The following PHF21B variants were observed in gnomAD, a reference collection of about 807,000 sequenced individuals.
PHF21B encodes PHD finger protein 21B, also known as PHD finger protein 4.
A neutral mutation model predicts 62.2 loss-of-function variants in PHF21B; 22 were observed. The observed-to-expected ratio is 0.35, with a 90% CI of 0.25 to 0.51. The LOEUF (loss-of-function observed/expected upper bound fraction) is 0.51. Among genes scored for constraint, PHF21B ranks in the 20% least tolerant of loss-of-function variants. The pLI is 0.97. For synonymous variants in PHF21B, 341 were observed against 314.7 expected, an observed-to-expected ratio of 1.08 and a Z score of -0.88; for missense variants, 701 against 707.9, an observed-to-expected ratio of 0.99 and a Z score of 0.11.
intron 4 of PHF21B, among the ~76,000 whole-genome samples, chr22:44,914,454 G>A (rs905108931): frequency 3.9e-5 from 6 of 152,218 alleles, no homozygotes; most frequent in African/African-American, 9.6e-5. Context: ...GGGAGGCCGT[G>A]CACACTCAGG....
At chr22:44,935,097 G>A (rs552544371) in intron 2 of PHF21B, among the ~76,000 whole-genome samples, 2 of 152,280 alleles carry the variant, frequency 1.3e-5, no homozygotes, top group South Asian at 4.1e-4. Context: ...AAAGGATCAC[G>A]GCAATCGGTC....
chr22:44,892,492 A>G (rs562706228), intron 7 of PHF21B, among the ~76,000 whole-genome samples: 2 of 152,338 alleles, frequency 1.3e-5, no homozygotes, highest in South Asian at 4.1e-4. Flanking sequence ...GATTCTGGGC[A>G]GTGGCCCAGA....
chr22:44,887,211 G>A (rs1473229195), intron 10 of PHF21B, among the ~76,000 whole-genome samples: 1 of 149,672 alleles, frequency 6.7e-6, no homozygotes. Context: ...GACCACACAA[G>A]TCATGCATCT....
At chr22:44,978,171 G>T (rs80200115) in intron 2 of PHF21B, among the ~76,000 whole-genome samples, 1 of 151,988 alleles carries the variant, frequency 6.6e-6, no homozygotes, top group Non-Finnish European at 1.5e-5. Context: ...TGGGATCTCC[G>T]GTTTGCAGGA....
intron 2 of PHF21B, among the ~76,000 whole-genome samples, chr22:44,996,121 G>A (rs2073118653): frequency 6.6e-6 from 1 of 152,136 alleles, no homozygotes; most frequent in Admixed American, 6.6e-5. Flanking sequence ...TGACAACAGG[G>A]GGGTGCTGGG....
intron 2 of PHF21B, among the ~76,000 whole-genome samples, chr22:44,953,674 C>T (rs2072238068): frequency 6.6e-6 from 1 of 152,158 alleles, no homozygotes; most frequent in African/African-American, 2.4e-5. Flanking sequence ...CTGCAGCTTC[C>T]AGGTGTGTGG....
chr22:44,908,080 T>C (rs535901212), intron 5 of PHF21B, among the ~76,000 whole-genome samples: 1 of 152,256 alleles, frequency 6.6e-6, no homozygotes, highest in African/African-American at 2.4e-5. Flanking sequence ...ACCCAAAGTA[T>C]CGGGCAGCCT....
At position 44,920,445 on chromosome 22, in the gene PHF21B, T is replaced by G. The variant is rs1467239341; in HGVS notation, c.166A>C (p.Ser56Arg). 2 of 1,613,198 alleles carry G rather than the reference T, an allele frequency of 1.2e-6. No individual in the cohort carries two copies. The highest frequency in any genetic ancestry group is 1.7e-6 in the Non-Finnish European group (2 of 1,179,666). The change falls in exon 3 of 13, where the codon AGC becomes CGC. Residue 56 changes from serine to arginine, a missense_variant. Physicochemically the swap from Ser to Arg is moderately radical, Grantham distance 110. Coordinates refer to ENST00000313237, the MANE Select transcript of PHF21B (RefSeq NM_138415.5). ...TAVPVTGPQVSSLQRLAGQGA... is the reference protein window; with the variant it reads ...TAVPVTGPQVRSLQRLAGQGA... ...TGCCCGGCCAACCTCTGCAAGGAGCTGACCTGAGGACCCGTGACAGGCACT... is the reference window on the plus strand; with the variant it reads ...TGCCCGGCCAACCTCTGCAAGGAGCGGACCTGAGGACCCGTGACAGGCACT...
intron 2 of PHF21B, chr22:44,989,492 A>G (rs1004439359): frequency 2.0e-5 from 3 of 152,144 alleles, no homozygotes; most frequent in African/African-American, 4.8e-5. Flanking sequence ...TTGTTCATGA[A>G]TGAGGAACGA....
chr22:44,994,778 C>A (rs900401536), intron 2 of PHF21B, among the ~76,000 whole-genome samples: 2 of 152,226 alleles, frequency 1.3e-5, no homozygotes, highest in Non-Finnish European at 2.9e-5. Context: ...CACTTACATA[C>A]AGGCTGCTGA....
At chr22:44,893,604 G>T in intron 6 of PHF21B, 71 bp from the exon 7 acceptor site, 3 of 1,433,170 alleles carry the variant, frequency 2.1e-6, no homozygotes, top group Non-Finnish European at 2.9e-6. Flanking sequence ...TCCTTGCCAA[G>T]CCCTGGGCAC....
chr22:44,949,301 C>CAA lies in PHF21B; in HGVS notation c.121-28813_121-28812dup, dbSNP rs1173438062. Among the ~76,000 whole-genome samples, 346 of 41,482 alleles carry CAA rather than the reference C, an allele frequency of 8.3e-3. 1 individual carries two copies. The highest frequency in any genetic ancestry group is 0.013 in the Non-Finnish European group (244 of 18,834). 27.2% of individuals were successfully genotyped at this position (41,482 alleles called of 152,430 possible). ...GGGTAACAAGAGCGAAACTCCATCT[C>CAA]AAAAAAAAGAAAAAAAAAAAAAAAG... On this transcript the variant is annotated intron_variant, in intron 2 of 12. Coordinates refer to ENST00000313237, the MANE Select transcript of PHF21B (RefSeq NM_138415.5).
At chr22:44,918,983 C>T (rs2071487548) in intron 3 of PHF21B, among the ~76,000 whole-genome samples, 1 of 152,190 alleles carries the variant, frequency 6.6e-6, no homozygotes, top group African/African-American at 2.4e-5. Flanking sequence ...AACCTCCCTC[C>T]CTCAGTGCTT....
rs555566888 is a variant in PHF21B at position 44,899,227 on chromosome 22, A to T, written c.832-3144T>A. Reference sequence around the variant, plus strand: ...ATAAATTAACTTTGGGCATAATGACAGTTTTATATTATTAAGTTTTCCTAC... The same window carrying T: ...ATAAATTAACTTTGGGCATAATGACTGTTTTATATTATTAAGTTTTCCTAC... On this transcript the variant is annotated intron_variant, in intron 5 of 12. Transcript: ENST00000313237. 2.6e-5 allele frequency among the ~76,000 whole-genome samples: 4 copies of T among 151,838 alleles called. No homozygotes were observed. In the South Asian group the frequency reaches 8.3e-4, roughly 32 times the overall value.
At chr22:44,994,184 G>A (rs2073083972) in intron 2 of PHF21B, among the ~76,000 whole-genome samples, 1 of 152,232 alleles carries the variant, frequency 6.6e-6, no homozygotes, top group Admixed American at 6.5e-5. Context: ...GGGTTGAAGA[G>A]TGTCCCCCTA....
chr22:44,981,728 C>T (rs749691349), intron 2 of PHF21B, among the ~76,000 whole-genome samples: 4 of 152,222 alleles, frequency 2.6e-5, no homozygotes, highest in Non-Finnish European at 5.9e-5. Context: ...CCCTTAACAA[C>T]AGCTACACGG....
chr22:44,980,462 C>G (rs1001415138), intron 2 of PHF21B, among the ~76,000 whole-genome samples: 1 of 152,332 alleles, frequency 6.6e-6, no homozygotes. Flanking sequence ...ACACTGCAGA[C>G]CTTGGAGGCC....
intron 5 of PHF21B, among the ~76,000 whole-genome samples, chr22:44,904,453 T>C (rs2147279120): frequency 6.6e-6 from 1 of 152,360 alleles, no homozygotes. Flanking sequence ...TTAGTCTTCC[T>C]ATGTGTAAAA....
chr22:44,917,325 G>A (rs2071456313), intron 3 of PHF21B, among the ~76,000 whole-genome samples: 1 of 152,188 alleles, frequency 6.6e-6, no homozygotes, highest in South Asian at 2.1e-4. Flanking sequence ...GGGTTCGGAA[G>A]AAAGAAAATG....
Sources: allele counts gnomAD v4.1 joint callset (sites outside exome capture counted in the v4.1 genomes callset), GRCh38; gene constraint gnomAD v4.1.1; transcripts MANE v1.5; gene names NCBI Gene and HGNC (gene_info 2026-07-23, HGNC 2026-07-21).